Variants in PADI3 observed in about 807,000 individuals in gnomAD.
PADI3 encodes the protein peptidyl arginine deiminase 3.
Under a neutral mutation model 71.5 loss-of-function variants are expected in PADI3, and 53 were observed. That is an observed-to-expected ratio of 0.74 (90% confidence interval 0.59 to 0.93). The LOEUF (loss-of-function observed/expected upper bound fraction) is 0.93. Among genes scored for constraint, PADI3 ranks in the 40% least tolerant of loss-of-function variants. PADI3 has a pLI of 0.00. For missense variants in PADI3, 821 were observed against 868.0 expected, an observed-to-expected ratio of 0.95 and a Z score of 0.68; for synonymous variants, 361 against 347.5, an observed-to-expected ratio of 1.04 and a Z score of -0.43.
In PADI3 at chr1:17,282,957, G is replaced by T; in HGVS notation, c.1873G>T (p.Gly625Cys). The T allele has an allele frequency of 1.2e-6, 2 of 1,614,144 alleles. No homozygotes were observed. The highest frequency in any genetic ancestry group is 1.7e-6 in the Non-Finnish European group (2 of 1,179,988). ...GGTGCGGTCCCTGCTGGAGCCGCTG[G>T]GCCTCCACTGCACCTTCATTGATGA... ...EKVRSLLEPL[G>C]LHCTFIDDFT... is the part of the protein sequence containing the mutation. The change falls in exon 16 of 16, where the codon GGC becomes TGC. Residue 625 changes from glycine to cysteine, a missense_variant. Coordinates refer to ENST00000375460, the MANE Select transcript of PADI3 (RefSeq NM_016233.2).
chr1:17,261,304 G>A (rs562743508), intron 2 of PADI3, among the ~76,000 whole-genome samples: 32 of 152,274 alleles, frequency 2.1e-4, no homozygotes, highest in Middle Eastern at 3.4e-3. Context: ...TTGAGTGCTC[G>A]CTGTGGGCCG....
intron 6 of PADI3, among the ~76,000 whole-genome samples, chr1:17,268,975 T>A (rs1231921276): frequency 6.6e-6 from 1 of 150,886 alleles, no homozygotes; most frequent in Non-Finnish European, 1.5e-5. Flanking sequence ...AGCCTCCACC[T>A]TTCAGGCTCA....
intron 1 of PADI3, among the ~76,000 whole-genome samples, chr1:17,254,414 G>A (rs372025107): frequency 3.3e-5 from 5 of 152,154 alleles, no homozygotes; most frequent in East Asian, 1.9e-4. Flanking sequence ...AGAAGTCCAG[G>A]CCCTGAGTCC....
chr1:17,257,532 C>A (rs1175648226), intron 1 of PADI3, among the ~76,000 whole-genome samples: 2 of 152,234 alleles, frequency 1.3e-5, no homozygotes, highest in Non-Finnish European at 2.9e-5. Flanking sequence ...AGTCTGGCAG[C>A]CCTGCTTAGG....
rs12072671 is a variant in PADI3, at chr1:17,265,547, G to A, written c.347-112G>A. ...CAGATGCCCTCACCTCTTGGATGGT[G>A]TCTCCTTAGAAATGACTTGCCTTTG... On this transcript the variant is annotated intron_variant, in intron 3 of 15. Transcript: ENST00000375460. 278 of 913,840 alleles carry A rather than the reference G, an allele frequency of 3.0e-4. 1 individual carries two copies. The African/African-American group carries it at 4.1e-3, about 14-fold the overall frequency. The allele number at this position is 913,840 out of a possible 1,614,324, so 56.6% of individuals were successfully genotyped here.
intron 13 of PADI3, chr1:17,278,048 G>T (rs1336242940): frequency 6.5e-6 from 1 of 153,008 alleles, no homozygotes; most frequent in Admixed American, 6.5e-5. Context: ...GGCCCACAGG[G>T]TGGGCCCTGA....
chr1:17,276,983 TC>T, intron 13 of PADI3, 107 bp downstream of exon 13: 1 of 895,280 alleles, frequency 1.1e-6, no homozygotes, highest in Non-Finnish European at 1.7e-6. Flanking sequence ...CAGGGGTGTG[TC>T]CCCAAATTCA....
chr1:17,273,420 G>A lies in PADI3; in HGVS notation c.1128G>A (p.Leu376=). The A allele has an allele frequency of 6.2e-7, 1 of 1,613,074 alleles. No homozygotes were observed. The highest frequency in any genetic ancestry group is 8.5e-7 in the Non-Finnish European group (1 of 1,179,242). The change falls in exon 10 of 16, where the codon CTG becomes CTA. Residue 376 remains leucine (L), a synonymous_variant. Transcript: ENST00000375460. ...TTGACTCCCCAAGGAATGGGGAACT[G>A]CAGGATTTCCCTTACAAAAGAATCC... ...VVFDSPRNGE[L]QDFPYKRILG... is the part of the protein sequence containing the mutation.
Position 17,280,797 on chromosome 1 carries a change from G to T in PADI3, c.1761+1G>T. 4 of 1,613,950 alleles carry T rather than the reference G, an allele frequency of 2.5e-6. No homozygotes were observed. Among genetic ancestry groups the T allele is most frequent in the Non-Finnish European group, 3.4e-6 (4 of 1,179,868 alleles). ...AGCAACGGCCTTCTTCCCTGACTTG[G>T]TGAGGGCACTACCCATGACTCCTTT... On this transcript the variant is annotated splice_donor_variant, in intron 15 of 15. Transcript: ENST00000375460. LOFTEE classifies it high-confidence loss of function.
chr1:17,271,357 C>G (rs919496736), intron 9 of PADI3, among the ~76,000 whole-genome samples, 179 bp downstream of exon 9: 6 of 152,116 alleles, frequency 3.9e-5, no homozygotes, highest in African/African-American at 1.4e-4. Context: ...CCACGCTGAT[C>G]CTGGATTCAA....
chr1:17,266,345 C>T (rs1313063873), intron 4 of PADI3, among the ~76,000 whole-genome samples: 1 of 152,148 alleles, frequency 6.6e-6, no homozygotes, highest in African/African-American at 2.4e-5. Flanking sequence ...TACCCTTGAG[C>T]TGAGCTCTGA....
At chr1:17,251,430 T>A (rs1557495128) in intron 1 of PADI3, among the ~76,000 whole-genome samples, 1 of 152,286 alleles carries the variant, frequency 6.6e-6, no homozygotes, top group East Asian at 1.9e-4. Flanking sequence ...TCCTTTAACT[T>A]CTCTGAGTCT....
At chr1:17,249,498 C>T (rs377579149) in intron 1 of PADI3, among the ~76,000 whole-genome samples, 14 of 152,070 alleles carry the variant, frequency 9.2e-5, no homozygotes, top group African/African-American at 3.4e-4. Flanking sequence ...GGGCTGGTGC[C>T]GCGAAGAGAT....
At chr1:17,281,248 G>A (rs2073396754) in intron 15 of PADI3, among the ~76,000 whole-genome samples, 1 of 152,134 alleles carries the variant, frequency 6.6e-6, no homozygotes, top group African/African-American at 2.4e-5. Context: ...CGGTTGAGAG[G>A]GAAACTCTTC....
rs1374790771 is a variant in PADI3 at position 17,259,731 on chromosome 1, C to T, written c.246C>T (p.Ser82=). Residue 82 remains serine (S), a synonymous_variant, in exon 2 of 16, where the codon TCC becomes TCT. Coordinates refer to ENST00000375460, the MANE Select transcript of PADI3 (RefSeq NM_016233.2). ...TGGAGATCATCGTGGTCATGAACTC[C>T]CCCAGCAATGACCTCAACGACAGCC... ...ATLEIIVVMN[S]PSNDLNDSHV... 2.5e-6 allele frequency: 4 copies of T among 1,610,240 alleles called. No individual in the cohort carries two copies. The highest frequency in any genetic ancestry group is 1.7e-4 in the Middle Eastern group (1 of 6,034).
chr1:17,262,161 A>T lies in PADI3; in HGVS notation c.302A>T (p.Glu101Val), dbSNP rs1439616467. Residue 101 changes from glutamate (E) to valine (V), a missense_variant, in exon 3 of 16, where the codon GAG becomes GTG. Physicochemically the swap from Glu to Val is moderately radical, Grantham distance 121. Coordinates refer to ENST00000375460, the MANE Select transcript of PADI3 (RefSeq NM_016233.2). Reference protein sequence around the residue: ...HVQISYHSSHEPLPLAYAVLY... With the variant: ...HVQISYHSSHVPLPLAYAVLY... ...CAGATTTCCTACCACTCCAGCCATG[A>T]GCCTCTGCCCCTGGCCTATGCGGTG... is the stretch of plus-strand genomic sequence containing the variant. 2 of 1,613,402 alleles carry T rather than the reference A, an allele frequency of 1.2e-6. No homozygotes were observed. The highest frequency in any genetic ancestry group is 1.3e-5 in the African/African-American group (1 of 74,830).
intron 1 of PADI3, among the ~76,000 whole-genome samples, chr1:17,259,134 A>G (rs1428040902): frequency 6.6e-6 from 1 of 152,160 alleles, no homozygotes; most frequent in Non-Finnish European, 1.5e-5. Flanking sequence ...CAGTGGTGCA[A>G]TCTTGGCTCA....
chr1:17,273,074 AC>A (rs2073277064), intron 9 of PADI3, among the ~76,000 whole-genome samples: 2 of 152,064 alleles, frequency 1.3e-5, no homozygotes, highest in Admixed American at 1.3e-4. Flanking sequence ...TCACAGGGAC[AC>A]CCCCAAGGTC....
intron 3 of PADI3, 45 bp from the exon 4 acceptor site, chr1:17,265,614 C>T (rs764229238): frequency 6.4e-7 from 1 of 1,569,400 alleles, no homozygotes; most frequent in Non-Finnish European, 8.8e-7. Context: ...CTGCCCTGGG[C>T]TCCTGGGAAC....
Sources: gnomAD v4.1 joint callset for allele counts (sites outside exome capture counted in the v4.1 genomes callset) on GRCh38, gnomAD v4.1.1 for gene constraint, MANE v1.5 for transcripts, NCBI Gene and HGNC (gene_info 2026-07-23, HGNC 2026-07-21) for gene names.